DLG2: variants seen among roughly 807,000 people sequenced by gnomAD.
DLG2 encodes discs large MAGUK scaffold protein 2, also known as disks large homolog 2.
In DLG2, 45 loss-of-function variants were observed where a neutral mutation model predicts 132.5. That is an observed-to-expected ratio of 0.34 (90% CI 0.27 to 0.44). The LOEUF (loss-of-function observed/expected upper bound fraction) is 0.44, where lower values mean the gene tolerates loss of function less well. Ranked by LOEUF, DLG2 falls within the 20% of genes least tolerant of loss-of-function variation. The probability of loss-of-function intolerance (pLI) is 1.00; values close to 1 mark genes in which losing one functional copy is unlikely to be tolerated. For missense variants in DLG2, 1,045 were observed against 1,196.9 expected (o/e 0.87, Z 1.87); for synonymous variants, 424 against 419.6 (o/e 1.01, Z -0.13).
intron 6 of DLG2, chr11:84,720,240 T>C (rs1358743917): frequency 1.0e-6 from 1 of 980,988 alleles, no homozygotes; most frequent in Admixed American, 6.2e-5. Context: ...CAGAAGGAAT[T>C]GTTCTCTCCC....
At chr11:83,545,302 T>C (rs957202424) in intron 19 of DLG2, among the ~76,000 whole-genome samples, 17 of 152,134 alleles carry the variant, frequency 1.1e-4, no homozygotes, top group Admixed American at 9.8e-4. Context: ...TGAAATAATA[T>C]ATGTAAAGTA....
chr11:84,377,407 C>T (rs1012097469), intron 7 of DLG2, among the ~76,000 whole-genome samples: 1 of 151,666 alleles, frequency 6.6e-6, no homozygotes, highest in African/African-American at 2.4e-5. Flanking sequence ...ACAAACCAAC[C>T]ATAAAATGAC....
At chr11:83,620,869 CAAA>C (rs56868518) in intron 19 of DLG2, among the ~76,000 whole-genome samples, 4 of 57,222 alleles carry the variant, frequency 7.0e-5, no homozygotes, top group African/African-American at 4.0e-4. Context: ...GACTCCGTCT[CAAA>C]AAAAAAAAAA....
At chr11:83,840,213 T>G (rs1279287086) in intron 16 of DLG2, among the ~76,000 whole-genome samples, 1 of 152,194 alleles carries the variant, frequency 6.6e-6, no homozygotes, top group Non-Finnish European at 1.5e-5. Context: ...ATGCATCTAT[T>G]GCAGCATGTT....
intron 6 of DLG2, among the ~76,000 whole-genome samples, chr11:84,685,770 A>G (rs2099737576): frequency 6.6e-6 from 1 of 151,708 alleles, no homozygotes. Context: ...CAGTGGCGCG[A>G]TCTCGGCTCA....
intron 3 of DLG2, among the ~76,000 whole-genome samples, chr11:85,480,881 A>G (rs1000798661): frequency 2.0e-5 from 3 of 152,254 alleles, no homozygotes; most frequent in African/African-American, 4.8e-5. Context: ...TGCAAAAAAA[A>G]TACCACATGC....
chr11:84,618,313 C>T (rs2099608051), intron 6 of DLG2, among the ~76,000 whole-genome samples: 1 of 151,970 alleles, frequency 6.6e-6, no homozygotes, highest in Admixed American at 6.6e-5. Context: ...TGATCAAAAT[C>T]TATATTAAAA....
intron 18 of DLG2, among the ~76,000 whole-genome samples, chr11:83,734,643 G>A (rs1379531695): frequency 6.6e-6 from 1 of 152,020 alleles, no homozygotes; most frequent in Non-Finnish European, 1.5e-5. Context: ...TAGAGATGGG[G>A]TTTCACCACG....
At chr11:85,252,748 A>T (rs1299260935) in intron 4 of DLG2, among the ~76,000 whole-genome samples, 2 of 152,176 alleles carry the variant, frequency 1.3e-5, no homozygotes, top group Non-Finnish European at 2.9e-5. Flanking sequence ...ACAGAATTGT[A>T]GGGAATTGAA....
intron 8 of DLG2, among the ~76,000 whole-genome samples, chr11:84,195,330 A>G (rs1237932229): frequency 1.3e-5 from 2 of 151,414 alleles, no homozygotes; most frequent in Non-Finnish European, 2.9e-5. Flanking sequence ...CGTCCAGGTA[A>G]TTTTTTTTTA....
At chr11:84,317,221 G>T in intron 7 of DLG2, 1 of 1,524,108 alleles carries the variant, frequency 6.6e-7, no homozygotes, top group Non-Finnish European at 8.8e-7. Context: ...CTTTCTTCCA[G>T]CCAGTTGTAA....
intron 11 of DLG2, among the ~76,000 whole-genome samples, chr11:84,033,981 T>C (rs1407270369): frequency 6.6e-6 from 1 of 152,168 alleles, no homozygotes. Context: ...CTCAGGAAGC[T>C]GAGGCAGGAG....
At chr11:85,433,395 C>T (rs965529104) in intron 3 of DLG2, among the ~76,000 whole-genome samples, 2 of 152,066 alleles carry the variant, frequency 1.3e-5, no homozygotes, top group Non-Finnish European at 2.9e-5. Context: ...TCAAAACCCA[C>T]CAGTGTTCTG....
At chr11:85,506,972 T>C (rs906048032) in intron 3 of DLG2, among the ~76,000 whole-genome samples, 1 of 151,808 alleles carries the variant, frequency 6.6e-6, no homozygotes, top group Non-Finnish European at 1.5e-5. Context: ...CATTATGTAA[T>C]GGCCTTGTCT....
At chr11:85,569,925 C>T (rs2077747966) in intron 3 of DLG2, among the ~76,000 whole-genome samples, 1 of 152,116 alleles carries the variant, frequency 6.6e-6, no homozygotes, top group East Asian at 1.9e-4. Flanking sequence ...GATACATGCA[C>T]TCACATTCAT....
chr11:83,462,388 A>C (rs963755107), intron 26 of DLG2, among the ~76,000 whole-genome samples: 1 of 152,140 alleles, frequency 6.6e-6, no homozygotes, highest in Admixed American at 6.6e-5. Flanking sequence ...AATATCCTCC[A>C]TGGTAGGCCC....
chr11:84,211,742 C>A (rs2096758030), intron 8 of DLG2, among the ~76,000 whole-genome samples: 1 of 152,040 alleles, frequency 6.6e-6, no homozygotes, highest in Non-Finnish European at 1.5e-5. Flanking sequence ...AGTTTTATCA[C>A]CTATAGGAAA....
intron 3 of DLG2, among the ~76,000 whole-genome samples, chr11:85,298,493 T>G (rs2079382829): frequency 6.6e-6 from 1 of 152,042 alleles, no homozygotes; most frequent in Non-Finnish European, 1.5e-5. Flanking sequence ...TCTGTAATAC[T>G]CCTATTTCAG....
chr11:83,674,372 A>G (rs2077339269), intron 18 of DLG2, among the ~76,000 whole-genome samples: 2 of 152,194 alleles, frequency 1.3e-5, no homozygotes, highest in South Asian at 4.2e-4. Flanking sequence ...CAGGAACTCA[A>G]CACACTTACT....
Sources: gnomAD v4.1 joint callset for allele counts (sites outside exome capture counted in the v4.1 genomes callset) on GRCh38, gnomAD v4.1.1 for gene constraint, MANE v1.5 for transcripts, NCBI Gene and HGNC (gene_info 2026-07-23, HGNC 2026-07-21) for gene names.